Variants in ADCY9 observed in about 807,000 individuals in gnomAD.
ADCY9 encodes the protein adenylate cyclase 9.
A neutral mutation model predicts 101.5 loss-of-function variants in ADCY9; 50 were observed. That is an observed-to-expected ratio of 0.49 (90% CI 0.39 to 0.62). The LOEUF (loss-of-function observed/expected upper bound fraction) is 0.62, where lower values mean the gene tolerates loss of function less well. Ranked by LOEUF, ADCY9 falls within the 20% of genes least tolerant of loss-of-function variation. The pLI is 0.00. For missense variants in ADCY9, 1,662 were observed against 1,800.4 expected, an observed-to-expected ratio of 0.92 and a Z score of 1.39; for synonymous variants, 905 against 769.3, an observed-to-expected ratio of 1.18 and a Z score of -2.92.
chr16:3,987,159 C>A lies in ADCY9; in HGVS notation c.2310+1835G>T, dbSNP rs28429509. On this transcript the variant is annotated intron_variant, in intron 6 of 10. Coordinates refer to ENST00000294016, the MANE Select transcript of ADCY9 (RefSeq NM_001116.4). ...ACTGAGGCAGGCTCAGGAGTTCCCC[C>A]CTTGGAGCCCCCAGCCTGGGCTTGG... Among the ~76,000 whole-genome samples the A allele has an allele frequency of 1.1e-4, 16 of 152,342 alleles. No homozygotes were observed. The South Asian group carries it at 1.9e-3, about 18-fold the overall frequency.
At chr16:4,110,408 G>T (rs1378197523) in intron 2 of ADCY9, among the ~76,000 whole-genome samples, 1 of 114,076 alleles carries the variant, frequency 8.8e-6, no homozygotes, top group African/African-American at 3.4e-5. Context: ...TTTTTGAGAC[G>T]CAGTCTCGCC....
intron 2 of ADCY9, among the ~76,000 whole-genome samples, chr16:4,036,130 T>G (rs916436385): frequency 6.6e-6 from 1 of 150,610 alleles, no homozygotes; most frequent in Non-Finnish European, 1.5e-5. Context: ...AGAAGCTCCT[T>G]GTATCTTCCT....
rs1051030053 is a variant in ADCY9, at chr16:3,963,373, G to A, written c.*2402C>T. ...TGCCAACAGACAAGAGATGCACGGC[G>A]TTTCCGCTGCAGAGATTCTGTGGTT... On this transcript the variant is annotated 3_prime_UTR_variant, in exon 11 of 11. Transcript: ENST00000294016. 6 of 398,842 alleles carry A rather than the reference G, an allele frequency of 1.5e-5. No individual in the cohort carries two copies. The highest frequency in any genetic ancestry group is 1.3e-4 in the South Asian group (1 of 7,862). The allele number at this position is 398,842 out of a possible 1,614,324, so 24.7% of individuals were successfully genotyped here.
Position 3,973,159 on chromosome 16 carries a change from A to G in ADCY9, c.2870+1510T>C, listed in dbSNP as rs573625186. Among the ~76,000 whole-genome samples the G allele has an allele frequency of 1.8e-3, 278 of 152,248 alleles. 1 individual carries two copies. Among genetic ancestry groups the G allele is most frequent in the African/African-American group, 6.4e-3 (267 of 41,542 alleles). ...GTATTATTTGAGTAAATGTATAATCAGTTAATTTATTTATTATTGACAACT... is the reference window on the plus strand; with the variant it reads ...GTATTATTTGAGTAAATGTATAATCGGTTAATTTATTTATTATTGACAACT... On this transcript the variant is annotated intron_variant, in intron 10 of 10. Transcript: ENST00000294016.
intron 5 of ADCY9, among the ~76,000 whole-genome samples, chr16:3,956,503 T>TTTTTTTTTTTGGGG (rs55792938): frequency 5.7e-5 from 4 of 69,572 alleles, no homozygotes; most frequent in African/African-American, 1.6e-4. Context: ...TTTTTTTTTT[T>TTTTTTTTTTTGGGG]GGGGGGGGAT....
intron 2 of ADCY9, among the ~76,000 whole-genome samples, chr16:4,054,894 T>G (rs2056726950): frequency 6.6e-6 from 1 of 152,134 alleles, no homozygotes; most frequent in Admixed American, 6.6e-5. Context: ...AATCATCAAG[T>G]TATACAAAAG....
chr16:4,114,567 G>A lies in ADCY9; in HGVS notation c.876C>T (p.His292=), dbSNP rs762721284. ...LSRGLLHGCI[H]AIGVHLFVMS... is the part of the protein sequence containing the mutation. The stretch of plus-strand genomic sequence containing the variant: ...TGACGAACAGGTGGACCCCGATGGC[G>A]TGGATGCAGCCGTGGAGCAGCCCCC... Residue 292 remains histidine (H), a synonymous_variant, in exon 2 of 11, where the codon CAC becomes CAT. Transcript: ENST00000294016. The surrounding 1 kb of genome is among the most constrained non-coding windows in gnomAD (Gnocchi z 4.3). 8.1e-6 allele frequency: 13 copies of A among 1,614,044 alleles called. No homozygotes were observed. Among genetic ancestry groups the A allele is most frequent in the African/African-American group, 2.7e-5 (2 of 75,048 alleles).
In ADCY9 at chr16:4,033,620, G is replaced by A. The variant is rs529159327; in HGVS notation, c.1694-26062C>T. 5.9e-4 allele frequency among the ~76,000 whole-genome samples: 90 copies of A among 152,058 alleles called. 1 individual carries two copies. The highest frequency in any genetic ancestry group is 4.2e-3 in the South Asian group (20 of 4,790). ...TTAGTAGAGATAGGGTTTCACCATG[G>A]TGGCCAGGATGGTCTCAATCTCCTG... On this transcript the variant is annotated intron_variant, in intron 2 of 10. Transcript: ENST00000294016.
intron 2 of ADCY9, among the ~76,000 whole-genome samples, chr16:4,078,790 T>C (rs769807883): frequency 1.3e-5 from 2 of 152,000 alleles, no homozygotes; most frequent in African/African-American, 4.8e-5. Flanking sequence ...ACAACATATA[T>C]GGAAGACAAA....
At chr16:4,041,110 T>G (rs974638247) in intron 2 of ADCY9, among the ~76,000 whole-genome samples, 1 of 152,148 alleles carries the variant, frequency 6.6e-6, no homozygotes, top group African/African-American at 2.4e-5. Context: ...AGCAGGGTCA[T>G]AAGACTTCCC....
chr16:3,966,238 G>A lies in ADCY9; in HGVS notation c.3599C>T (p.Thr1200Ile). 1 of 1,614,228 alleles carries A rather than the reference G, an allele frequency of 6.2e-7. No individual in the cohort carries two copies. The highest frequency in any genetic ancestry group is 1.1e-5 in the South Asian group (1 of 91,086). ...TVNIASRMDT[T>I]GVECRIQVSE... Reference sequence around the variant, plus strand: ...CACCTGGATGCGGCACTCCACGCCGGTGGTGTCCATCCTGCTGGCGATGTT... The same window carrying A: ...CACCTGGATGCGGCACTCCACGCCGATGGTGTCCATCCTGCTGGCGATGTT... Residue 1200 changes from threonine to isoleucine, a missense_variant, in exon 11 of 11, where the codon ACC becomes ATC. Thr to Ile is a moderately conservative substitution (Grantham distance 89). Around this residue, in one of 5 missense-constraint regions of ADCY9, gnomAD observed 220 missense variants for 312.9 expected, o/e 0.70. Transcript: ENST00000294016.
In ADCY9 at chr16:3,983,351, C is replaced by T. The variant is rs150245494; in HGVS notation, c.2400G>A (p.Thr800=). 123 of 1,599,614 alleles carry T rather than the reference C, an allele frequency of 7.7e-5. No individual in the cohort carries two copies. Among genetic ancestry groups the T allele is most frequent in the African/African-American group, 1.1e-4 (8 of 74,642 alleles). Residue 800 remains threonine (T), a synonymous_variant, in exon 7 of 11, where the codon ACG becomes ACA. Coordinates refer to ENST00000294016, the MANE Select transcript of ADCY9 (RefSeq NM_001116.4). ...DVFLSTTVFL[T]LSTTCFLKYE... is the part of the protein sequence containing the mutation. ...ACTTCAGGAAGCAGGTGGTGGACAGCGTCAGAAACACTGTGGTCGACAGAA... is the reference window on the plus strand; with the variant it reads ...ACTTCAGGAAGCAGGTGGTGGACAGTGTCAGAAACACTGTGGTCGACAGAA...
At chr16:4,064,339 A>G (rs967396190) in intron 2 of ADCY9, among the ~76,000 whole-genome samples, 2 of 152,210 alleles carry the variant, frequency 1.3e-5, no homozygotes, top group African/African-American at 4.8e-5. Context: ...ATTCAACAAG[A>G]CCCAGCAAGC....
chr16:4,085,230 C>A (rs903247171), intron 2 of ADCY9, among the ~76,000 whole-genome samples: 2 of 152,062 alleles, frequency 1.3e-5, no homozygotes, highest in African/African-American at 4.8e-5. Flanking sequence ...GGCATGGTGG[C>A]GCATACCTAT....
intron 2 of ADCY9, among the ~76,000 whole-genome samples, chr16:4,058,157 T>TA (rs56278937): frequency 4.6e-4 from 58 of 125,756 alleles, no homozygotes; most frequent in Admixed American, 9.7e-4. Flanking sequence ...AGACTCTGTC[T>TA]AAAAAAAAAA....
Position 3,979,218 on chromosome 16 carries a change from G to A in ADCY9, c.2577C>T (p.Ile859=), listed in dbSNP as rs200315123. 12 of 1,614,054 alleles carry A rather than the reference G, an allele frequency of 7.4e-6. No homozygotes were observed. In the East Asian group the frequency reaches 1.1e-4, roughly 15 times the overall value. Residue 859 remains isoleucine (I), a synonymous_variant, in exon 8 of 11, where the codon ATC becomes ATT. Transcript: ENST00000294016. The part of the protein sequence containing the change: ...MACTKRLLEW[I]AGWLPRHCIG... ...TGCAGTGACGTGGTAGCCAGCCGGC[G>A]ATCCACTCCAGCAGGCGCTTGGTGC...
intron 2 of ADCY9, among the ~76,000 whole-genome samples, chr16:4,038,805 G>A (rs558488188): frequency 6.4e-4 from 97 of 151,618 alleles, no homozygotes; most frequent in African/African-American, 2.3e-3. Flanking sequence ...GCCAAGTCTC[G>A]CTGTGGAATC....
At chr16:4,040,703 C>T (rs1319723901) in intron 2 of ADCY9, among the ~76,000 whole-genome samples, 12 of 152,218 alleles carry the variant, frequency 7.9e-5, no homozygotes, top group Admixed American at 4.6e-4. Flanking sequence ...GTGATCCACC[C>T]GCCTTGGCCT....
intron 2 of ADCY9, among the ~76,000 whole-genome samples, chr16:4,097,767 G>C (rs1312011294): frequency 6.6e-6 from 1 of 151,254 alleles, no homozygotes; most frequent in African/African-American, 2.4e-5. Flanking sequence ...GGCTGTTCTT[G>C]AACTCCTGAC....
Sources: allele counts gnomAD v4.1 joint callset (sites outside exome capture counted in the v4.1 genomes callset), GRCh38; gene constraint gnomAD v4.1.1; regional missense constraint gnomAD v4.1.1; non-coding constraint Gnocchi (gnomAD v3.1); transcripts MANE v1.5; gene names NCBI Gene and HGNC (gene_info 2026-07-23, HGNC 2026-07-21).